PTMA: variants seen among roughly 807,000 people sequenced by gnomAD.
PTMA encodes the protein gene sequence 28.
Under a neutral mutation model 16.9 loss-of-function variants are expected in PTMA, and 4 were observed. That is an observed-to-expected ratio of 0.24 (90% CI 0.12 to 0.54). The LOEUF (loss-of-function observed/expected upper bound fraction) is 0.54, where lower values mean the gene tolerates loss of function less well. PTMA is among the 20% of genes least tolerant of loss of function. The pLI is 0.95. For missense variants in PTMA, 120 were observed against 137.7 expected, an observed-to-expected ratio of 0.87 and a Z score of 0.64; for synonymous variants, 58 against 47.9, an observed-to-expected ratio of 1.21 and a Z score of -0.87.
At position 231,708,526 on chromosome 2, in the gene PTMA, C is replaced by A; in HGVS notation, c.-181C>A. On this transcript the variant is annotated 5_prime_UTR_variant, in exon 1 of 5. Transcript: ENST00000409115. ...TAAAGCTTCTGGCGCCGCGTGAGTCCCCCACTGGCTGCTCTGAAAAGCCAT... is the reference window on the plus strand; with the variant it reads ...TAAAGCTTCTGGCGCCGCGTGAGTCACCCACTGGCTGCTCTGAAAAGCCAT... 1.4e-6 allele frequency: 1 copy of A among 707,210 alleles called. No homozygotes were observed. The highest frequency in any genetic ancestry group is 2.4e-6 in the Non-Finnish European group (1 of 409,078). 43.8% of individuals were successfully genotyped at this position (707,210 alleles called of 1,614,324 possible). A position where few individuals can be genotyped will look rare whatever the true frequency, so the allele number is the denominator to read the frequency against.
chr2:231,710,382 G>A (rs1575350772), intron 1 of PTMA: 8 of 1,183,084 alleles, frequency 6.8e-6, no homozygotes, highest in East Asian at 7.6e-5. Context: ...AAGCCCGCCG[G>A]GCGGGGGATG....
intron 1 of PTMA, chr2:231,710,258 CGCGT>C: frequency 7.5e-7 from 1 of 1,334,676 alleles, no homozygotes; most frequent in Non-Finnish European, 9.7e-7. Context: ...GCGACCCGCG[CGCGT>C]GCCACTGCAA....
At chr2:231,710,391 T>C in intron 1 of PTMA, 1 of 1,163,522 alleles carries the variant, frequency 8.6e-7, no homozygotes, top group East Asian at 4.1e-5. Flanking sequence ...GGGCGGGGGA[T>C]GCGCGCCTGC....
At position 231,712,819 on chromosome 2, in the gene PTMA, A is replaced by G; in HGVS notation, c.301A>G (p.Thr101Ala). Residue 101 changes from threonine to alanine, a missense_variant, in exon 5 of 5, where the codon ACC becomes GCC. Physicochemically the swap from Thr to Ala is moderately conservative, Grantham distance 58. Transcript: ENST00000409115. The stretch of plus-strand genomic sequence containing the variant: ...CTCTGCTTAGGATGACGATGTCGAT[A>G]CCAAGAAGCAGAAGACCGACGAGGA... ...AEDDEDDDVD[T>A]KKQKTDEDD is the part of the protein sequence containing the mutation. The G allele has an allele frequency of 6.3e-7, 1 of 1,592,042 alleles. No individual in the cohort carries two copies. Among genetic ancestry groups the G allele is most frequent in the Non-Finnish European group, 8.6e-7 (1 of 1,169,530 alleles).
chr2:231,712,662 CAG>C (rs2048533507), intron 4 of PTMA, 140 bp from the exon 5 acceptor site: 15 of 1,312,846 alleles, frequency 1.1e-5, no homozygotes, highest in Non-Finnish European at 1.6e-5. Context: ...AGGAAGGAAA[CAG>C]GGCTGGGCTC....
In PTMA at chr2:231,712,816, G is replaced by A. The variant is rs202209669; in HGVS notation, c.298G>A (p.Asp100Asn). 1.3e-4 allele frequency: 211 copies of A among 1,592,688 alleles called. No individual in the cohort carries two copies. The African/African-American group carries it at 2.6e-3, about 20-fold the overall frequency. Residue 100 changes from aspartate to asparagine, a missense_variant, in exon 5 of 5, where the codon GAT becomes AAT. Physicochemically the swap from Asp to Asn is conservative, Grantham distance 23 (BLOSUM62 1). Transcript: ENST00000409115. The part of the protein sequence containing the change: ...AAEDDEDDDV[D>N]TKKQKTDEDD ...TTTCTCTGCTTAGGATGACGATGTC[G>A]ATACCAAGAAGCAGAAGACCGACGA...
Position 231,711,975 on chromosome 2 carries a change from A to G in PTMA, c.203A>G (p.Glu68Gly), listed in dbSNP as rs1383876666. Residue 68 changes from glutamate (E) to glycine (G), a missense_variant, in exon 3 of 5, where the codon GAA becomes GGA. Glu to Gly is a moderately conservative substitution (Grantham distance 98, BLOSUM62 -2). Coordinates refer to ENST00000409115, the MANE Select transcript of PTMA (RefSeq NM_002823.5). Reference protein sequence around the residue: ...EGGEEEEEEEEGDGEEEDGDE... With the variant: ...EGGEEEEEEEGGDGEEEDGDE... ...GGGGAGGAAGAGGAGGAGGAAGAAG[A>G]AGGTGATGGTGAGTAGCCTTGTCTA... is the stretch of plus-strand genomic sequence containing the variant. The G allele has an allele frequency of 7.0e-6, 11 of 1,573,104 alleles. No individual in the cohort carries two copies. The highest frequency in any genetic ancestry group is 2.4e-5 in the East Asian group (1 of 42,428).
intron 1 of PTMA, chr2:231,710,640 C>G: frequency 2.2e-6 from 1 of 452,860 alleles, no homozygotes; most frequent in Non-Finnish European, 4.5e-6. Context: ...CGGGGCCGCG[C>G]TGCCTTTTGG....
chr2:231,708,960 C>T lies in PTMA; in HGVS notation c.45+209C>T, dbSNP rs1283920222. 2.0e-5 allele frequency among the ~76,000 whole-genome samples: 3 copies of T among 152,272 alleles called. No individual in the cohort carries two copies. The East Asian group carries it at 5.8e-4, about 30-fold the overall frequency. On this transcript the variant is annotated intron_variant, in intron 1 of 4. Coordinates refer to ENST00000409115, the MANE Select transcript of PTMA (RefSeq NM_002823.5). Reference sequence around the variant, plus strand: ...CGCCGCGGGCAGACGTGATGCCCGTCGGGGAGTGGGCCGGGCGCCCTCGGG... The same window carrying T: ...CGCCGCGGGCAGACGTGATGCCCGTTGGGGAGTGGGCCGGGCGCCCTCGGG...
intron 1 of PTMA, 33 bp downstream of exon 1, chr2:231,708,784 C>G: frequency 6.3e-7 from 1 of 1,594,708 alleles, no homozygotes; most frequent in East Asian, 2.2e-5. Context: ...CCCTCGGGGT[C>G]CGCGCGCCGC....
At chr2:231,711,324 C>A in intron 1 of PTMA, 24 bp from the exon 2 acceptor site, 1 of 1,605,742 alleles carries the variant, frequency 6.2e-7, no homozygotes, top group Non-Finnish European at 8.5e-7. Context: ...TTACTGGTTA[C>A]TGGTTCCTTC....
chr2:231,709,605 A>G (rs2106241788), intron 1 of PTMA, among the ~76,000 whole-genome samples: 1 of 152,228 alleles, frequency 6.6e-6, no homozygotes, highest in Admixed American at 6.5e-5. Flanking sequence ...GGCGGCCGCG[A>G]CAGGCCAATG....
At chr2:231,712,665 G>A in intron 4 of PTMA, 139 bp from the exon 5 acceptor site, 1 of 1,322,388 alleles carries the variant, frequency 7.6e-7, no homozygotes, top group Non-Finnish European at 1.1e-6. Flanking sequence ...AAGGAAACAG[G>A]GCTGGGCTCA....
chr2:231,708,887 C>A, intron 1 of PTMA, 136 bp downstream of exon 1: 1 of 1,090,390 alleles, frequency 9.2e-7, no homozygotes, highest in South Asian at 1.5e-5. Flanking sequence ...CGGCGCGGTG[C>A]CCTCAGGCAG....
chr2:231,710,194 C>T (rs1327523682), intron 1 of PTMA: 5 of 1,312,888 alleles, frequency 3.8e-6, no homozygotes, highest in Non-Finnish European at 4.9e-6. Context: ...GACATTCGGG[C>T]CTGCCGGGGT....
Position 231,708,675 on chromosome 2 carries a change from T to A in PTMA, c.-32T>A. On this transcript the variant is annotated 5_prime_UTR_variant, in exon 1 of 5. Transcript: ENST00000409115. Reference sequence around the variant, plus strand: ...CCCTGAACTCTCGCTTTCTTTTTAATCCCCTGCATCGGATCACCGGCGTGC... The same window carrying A: ...CCCTGAACTCTCGCTTTCTTTTTAAACCCCTGCATCGGATCACCGGCGTGC... 6.2e-7 allele frequency: 1 copy of A among 1,600,392 alleles called. No individual in the cohort carries two copies. Among genetic ancestry groups the A allele is most frequent in the Non-Finnish European group, 8.5e-7 (1 of 1,179,350 alleles).
In PTMA at chr2:231,713,248, G is replaced by T. The variant is rs2048543640; in HGVS notation, c.*397G>T. On this transcript the variant is annotated 3_prime_UTR_variant, in exon 5 of 5. Coordinates refer to ENST00000409115, the MANE Select transcript of PTMA (RefSeq NM_002823.5). ...CTGACTTTACTTGTGGTGTGACCAT[G>T]TTCATTATAATCTCAAAGGAGAAAA... 8.7e-6 allele frequency: 4 copies of T among 458,760 alleles called. No homozygotes were observed. Among genetic ancestry groups the T allele is most frequent in the South Asian group, 1.7e-5 (1 of 60,164 alleles). The allele number at this position is 458,760 out of a possible 1,614,324, so 28.4% of individuals were successfully genotyped here. A position where few individuals can be genotyped will look rare whatever the true frequency, so the allele number is the denominator to read the frequency against.
chr2:231,712,606 TTC>T, intron 4 of PTMA, 90 bp downstream of exon 4: 1 of 1,458,756 alleles, frequency 6.9e-7, no homozygotes, highest in Non-Finnish European at 9.5e-7. Flanking sequence ...GAGGGACTGT[TTC>T]TGACTTTGTA....
At chr2:231,711,780 G>T (rs1024717209) in intron 2 of PTMA, 110 bp from the exon 3 acceptor site, 8 of 1,540,208 alleles carry the variant, frequency 5.2e-6, no homozygotes, top group Admixed American at 2.1e-5. Flanking sequence ...TGGCTTGGCT[G>T]GGCTGTAGAT....
Sources: allele counts gnomAD v4.1 joint callset (sites outside exome capture counted in the v4.1 genomes callset), GRCh38; gene constraint gnomAD v4.1.1; transcripts MANE v1.5; gene names NCBI Gene and HGNC (gene_info 2026-07-23, HGNC 2026-07-21).